The following CTNNA2 variants were observed in gnomAD, a reference collection of about 807,000 sequenced individuals.
CTNNA2 encodes the protein catenin alpha-2.
CTNNA2 carries 42 observed loss-of-function variants against 101.0 expected under a neutral mutation model. The ratio of observed to expected loss-of-function variants is 0.42; its 90% CI spans 0.32 to 0.54. CTNNA2 has a LOEUF of 0.54. CTNNA2 is among the 20% of genes least tolerant of loss of function. The pLI, the probability that CTNNA2 is intolerant of heterozygous loss-of-function variation, is 0.14. For missense variants in CTNNA2, 871 were observed against 1,223.1 expected, an observed-to-expected ratio of 0.71 and a Z score of 4.29; for synonymous variants, 450 against 456.4, an observed-to-expected ratio of 0.99 and a Z score of 0.18.
chr2:80,191,890 T>C (rs1223283233), intron 7 of CTNNA2, among the ~76,000 whole-genome samples: 1 of 152,188 alleles, frequency 6.6e-6, no homozygotes, highest in African/African-American at 2.4e-5. Context: ...AACATGGACA[T>C]CTTTTACTTC....
chr2:79,999,214 A>G (rs1200271376), intron 7 of CTNNA2, among the ~76,000 whole-genome samples: 1 of 152,194 alleles, frequency 6.6e-6, no homozygotes, highest in Non-Finnish European at 1.5e-5. Flanking sequence ...ATCCCTTTCA[A>G]CCTTATTTCT....
intron 7 of CTNNA2, among the ~76,000 whole-genome samples, chr2:80,340,373 G>C (rs142977763): frequency 9.8e-5 from 15 of 152,300 alleles, no homozygotes; most frequent in African/African-American, 3.4e-4. Context: ...CTGTCTTCAA[G>C]TTTATGGCTT....
chr2:80,391,947 T>C (rs964451495), intron 7 of CTNNA2, among the ~76,000 whole-genome samples: 2 of 152,228 alleles, frequency 1.3e-5, no homozygotes, highest in African/African-American at 4.8e-5. Context: ...TATGCACATA[T>C]GCCTTGGTTT....
intron 4 of CTNNA2, among the ~76,000 whole-genome samples, chr2:79,486,062 A>ATTTAT (rs561094183): frequency 6.6e-5 from 10 of 152,060 alleles, no homozygotes; most frequent in African/African-American, 1.2e-4. Flanking sequence ...ATTTAAAATG[A>ATTTAT]TTTATTTTAT....
intron 2 of CTNNA2, among the ~76,000 whole-genome samples, chr2:79,223,064 G>A (rs1674365439): frequency 6.6e-6 from 1 of 152,150 alleles, no homozygotes; most frequent in Admixed American, 6.5e-5. Context: ...AGAGTCTGAG[G>A]CAAGAGAACT....
At chr2:80,576,738 C>T (rs1190701010) in intron 13 of CTNNA2, among the ~76,000 whole-genome samples, 7 of 131,892 alleles carry the variant, frequency 5.3e-5, no homozygotes, top group East Asian at 2.3e-4. Context: ...CACCTGAGGT[C>T]GGGAGTTTAA....
intron 9 of CTNNA2, among the ~76,000 whole-genome samples, chr2:80,533,998 T>A (rs1478210345): frequency 6.6e-6 from 1 of 152,136 alleles, no homozygotes; most frequent in African/African-American, 2.4e-5. Context: ...GGGCATAGAT[T>A]TATGCTGAGT....
rs753815778 is a variant in CTNNA2 at position 80,462,631 on chromosome 2, C to CTTTTTTTTTTT, written c.1290+43041_1290+43051dup. Among the ~76,000 whole-genome samples, 85 of 94,762 alleles carry CTTTTTTTTTTT rather than the reference C, an allele frequency of 9.0e-4. 1 individual carries two copies. Among genetic ancestry groups the CTTTTTTTTTTT allele is most frequent in the African/African-American group, 2.4e-3 (52 of 21,666 alleles). 62.2% of individuals were successfully genotyped at this position (94,762 alleles called of 152,430 possible). A position where few individuals can be genotyped will look rare whatever the true frequency, so the allele number is the denominator to read the frequency against. ...CCTTCCTTTCCTTCTTTCTTTCTTT[C>CTTTTTTTTTTT]TTTTTTTTTTTTTTTTTTTTTGACG... On this transcript the variant is annotated intron_variant, in intron 9 of 18. Coordinates refer to ENST00000402739, the MANE Select transcript of CTNNA2 (RefSeq NM_001282597.3).
chr2:80,365,341 C>T (rs527577411), intron 7 of CTNNA2, among the ~76,000 whole-genome samples: 1 of 152,138 alleles, frequency 6.6e-6, no homozygotes, highest in East Asian at 1.9e-4. Flanking sequence ...GACATGCTGA[C>T]AGTGCAGCCC....
At chr2:79,603,110 T>G (rs752811022) in intron 1 of CTNNA2, among the ~76,000 whole-genome samples, 1 of 151,862 alleles carries the variant, frequency 6.6e-6, no homozygotes, top group Non-Finnish European at 1.5e-5. Context: ...AGCAGATAAA[T>G]GAACCCACAT....
chr2:79,679,501 G>C (rs1279616044), intron 2 of CTNNA2, among the ~76,000 whole-genome samples: 2 of 151,874 alleles, frequency 1.3e-5, no homozygotes, highest in Non-Finnish European at 2.9e-5. Context: ...CTGCTCTGGA[G>C]TCTCTGCCCT....
chr2:80,187,891 C>T (rs1706235921), intron 7 of CTNNA2, among the ~76,000 whole-genome samples: 2 of 151,468 alleles, frequency 1.3e-5, no homozygotes, highest in Admixed American at 6.6e-5. Flanking sequence ...CCATATGTAT[C>T]TTTTTTTTCT....
At chr2:79,607,175 G>T (rs1347400835) in intron 1 of CTNNA2, among the ~76,000 whole-genome samples, 1 of 152,170 alleles carries the variant, frequency 6.6e-6, no homozygotes, top group Non-Finnish European at 1.5e-5. Flanking sequence ...ATTATTACTA[G>T]GGATAAAGAA....
chr2:79,466,038 G>A lies in CTNNA2; in HGVS notation c.-134-39016G>A, dbSNP rs1050427397. ...CACTGGGGCTTGTCGGACAGTGGGT[G>A]CAGGACAGTGGGTGCAGCCCACTGA... is the stretch of plus-strand genomic sequence containing the variant. On this transcript the variant is annotated intron_variant, in intron 4 of 21. Transcript: ENST00000466387. Among the ~76,000 whole-genome samples the A allele has an allele frequency of 4.6e-5, 7 of 152,322 alleles. 1 individual carries two copies. The highest frequency in any genetic ancestry group is 4.1e-4 in the South Asian group (2 of 4,826).
At chr2:80,619,257 T>G in intron 18 of CTNNA2, 29 bp downstream of exon 18, 15 of 1,484,018 alleles carry the variant, frequency 1.0e-5, no homozygotes, top group Non-Finnish European at 1.4e-5. Context: ...TAATCTAATG[T>G]CTTTCATTGT....
At chr2:79,968,461 T>A (rs961434548) in intron 7 of CTNNA2, among the ~76,000 whole-genome samples, 2 of 152,154 alleles carry the variant, frequency 1.3e-5, no homozygotes, top group Non-Finnish European at 2.9e-5. Flanking sequence ...CTTTTCTCCA[T>A]ATGGAGCAAA....
chr2:79,490,405 G>A (rs557616424), intron 4 of CTNNA2, among the ~76,000 whole-genome samples: 2 of 152,180 alleles, frequency 1.3e-5, no homozygotes, highest in African/African-American at 4.8e-5. Context: ...CCAATCCTGT[G>A]TTTTTTATGA....
chr2:80,048,846 T>G (rs187014918), intron 7 of CTNNA2, among the ~76,000 whole-genome samples: 9 of 152,286 alleles, frequency 5.9e-5, no homozygotes, highest in Non-Finnish European at 1.2e-4. Context: ...AGCTAGACTT[T>G]CAGGAATGCA....
intron 1 of CTNNA2, among the ~76,000 whole-genome samples, chr2:79,562,002 C>G (rs965930552): frequency 2.0e-5 from 3 of 151,834 alleles, no homozygotes; most frequent in African/African-American, 7.2e-5. Context: ...GTTTCTTGCT[C>G]TTCTGGTGTC....
Sources: allele counts gnomAD v4.1 joint callset (sites outside exome capture counted in the v4.1 genomes callset), GRCh38; gene constraint gnomAD v4.1.1; transcripts MANE v1.5; gene names NCBI Gene and HGNC (gene_info 2026-07-23, HGNC 2026-07-21).